The following SORBS2 variants were observed in gnomAD, a reference collection of about 807,000 sequenced individuals.
SORBS2 encodes the protein sorbin and SH3 domain-containing protein 2.
SORBS2 carries 46 observed loss-of-function variants against 97.7 expected under a neutral mutation model. That is an observed-to-expected ratio of 0.47 (90% CI 0.37 to 0.60). The LOEUF (loss-of-function observed/expected upper bound fraction) is 0.60. Ranked by LOEUF, SORBS2 falls within the 20% of genes least tolerant of loss-of-function variation. The pLI is 0.00. For synonymous variants in SORBS2, 476 were observed against 473.4 expected (o/e 1.01, Z -0.07); for missense variants, 1,316 against 1,282.3 (o/e 1.03, Z -0.40).
At chr4:185,739,384 C>A (rs2153582700) in intron 2 of SORBS2, among the ~76,000 whole-genome samples, 1 of 152,248 alleles carries the variant, frequency 6.6e-6, no homozygotes, top group East Asian at 1.9e-4. Flanking sequence ...CCACCAAAGG[C>A]CTGGTGGAAT....
intron 1 of SORBS2, among the ~76,000 whole-genome samples, chr4:185,907,817 C>G (rs1315557651): frequency 6.6e-6 from 1 of 152,108 alleles, no homozygotes; most frequent in East Asian, 1.9e-4. Context: ...TAAGTCATTT[C>G]CAATCTTCTC....
chr4:185,718,429 A>G (rs1277890471), intron 2 of SORBS2, among the ~76,000 whole-genome samples: 1 of 152,222 alleles, frequency 6.6e-6, no homozygotes, highest in Non-Finnish European at 1.5e-5. Flanking sequence ...AAGGTCACCC[A>G]TCTTGAGAAA....
chr4:185,898,526 C>T (rs1401120691), intron 1 of SORBS2, among the ~76,000 whole-genome samples: 1 of 152,138 alleles, frequency 6.6e-6, no homozygotes, highest in African/African-American at 2.4e-5. Flanking sequence ...AATCATTGCT[C>T]GTGTTTTTGG....
intron 4 of SORBS2, among the ~76,000 whole-genome samples, chr4:185,672,048 G>A (rs1214274595): frequency 2.0e-5 from 3 of 152,126 alleles, no homozygotes; most frequent in South Asian, 2.1e-4. Flanking sequence ...ATAGCATTAC[G>A]AGCCCACAGA....
Position 185,893,355 on chromosome 4 carries a change from G to A in SORBS2, c.-338+62841C>T, listed in dbSNP as rs534352380. On this transcript the variant is annotated intron_variant, in intron 1 of 20. Coordinates refer to the SORBS2 transcript ENST00000284776. ...CAATACACCAGACAGCACCACTGCC[G>A]CGCTGGAGCAAAGGCTCTGGGAGCT... Among the ~76,000 whole-genome samples the A allele has an allele frequency of 3.0e-4, 45 of 152,322 alleles. No individual in the cohort carries two copies. The South Asian group carries it at 4.6e-3, about 15-fold the overall frequency.
At chr4:185,657,290 T>G (rs753006206), upstream of SORBS2, 104 of 710,944 alleles carry the variant, frequency 1.5e-4, no homozygotes, top group Non-Finnish European at 2.0e-4. Context: ...AGCATAACAT[T>G]CATGAGAAGT....
At chr4:185,717,127 G>A (rs1457270661) in intron 2 of SORBS2, among the ~76,000 whole-genome samples, 2 of 152,312 alleles carry the variant, frequency 1.3e-5, no homozygotes, top group East Asian at 1.9e-4. Flanking sequence ...AGAAGAGCTC[G>A]TGGCTGGCGT....
intron 1 of SORBS2, among the ~76,000 whole-genome samples, chr4:185,888,349 AGAG>A (rs752125954): frequency 1.2e-3 from 176 of 152,270 alleles, no homozygotes; most frequent in Non-Finnish European, 2.1e-3. Flanking sequence ...AGAGACACAC[AGAG>A]GAGAAGGCAA....
chr4:185,822,588 T>C (rs535264755), intron 1 of SORBS2, among the ~76,000 whole-genome samples: 1 of 152,236 alleles, frequency 6.6e-6, no homozygotes, highest in Non-Finnish European at 1.5e-5. Flanking sequence ...GCAAGAAGTA[T>C]ATGAATGATA....
intron 2 of SORBS2, among the ~76,000 whole-genome samples, 196 bp from the exon 6 acceptor site, chr4:185,679,018 T>G (rs950921286): frequency 6.6e-6 from 1 of 152,128 alleles, no homozygotes; most frequent in Non-Finnish European, 1.5e-5. Flanking sequence ...TCATTAAATA[T>G]CTATAATATA....
intron 2 of SORBS2, among the ~76,000 whole-genome samples, chr4:185,767,226 C>T (rs1019725667): frequency 5.9e-5 from 9 of 151,804 alleles, no homozygotes; most frequent in Non-Finnish European, 1.5e-5. Context: ...TGGCCGGGCG[C>T]GGTGGCTCAG....
rs534086705 is a variant in SORBS2 at position 185,795,375 on chromosome 4, C to T, written c.-337-20009G>A. Among the ~76,000 whole-genome samples, 24 of 152,232 alleles carry T rather than the reference C, an allele frequency of 1.6e-4. No homozygotes were observed. The East Asian group carries it at 4.4e-3, about 28-fold the overall frequency. On this transcript the variant is annotated intron_variant, in intron 1 of 20. Coordinates refer to the SORBS2 transcript ENST00000284776. Reference sequence around the variant, plus strand: ...TGGGACAAGCTCACCTCTGCTGCACCCTCCCTGCCTCAGCAATCTTTGATC... The same window carrying T: ...TGGGACAAGCTCACCTCTGCTGCACTCTCCCTGCCTCAGCAATCTTTGATC...
At chr4:185,651,754 A>C (rs766370036) in intron 2 of SORBS2, 30 bp downstream of exon 11, 1 of 1,284,328 alleles carries the variant, frequency 7.8e-7, no homozygotes, top group Non-Finnish European at 1.1e-6. Flanking sequence ...AGCATAAAAT[A>C]GTCATTGCGA....
chr4:185,816,860 A>T (rs1042961677), intron 1 of SORBS2, among the ~76,000 whole-genome samples: 2 of 152,228 alleles, frequency 1.3e-5, no homozygotes, highest in Admixed American at 6.5e-5. Context: ...GCAATAAAAA[A>T]CCGTTCAACA....
intron 1 of SORBS2, among the ~76,000 whole-genome samples, chr4:185,917,054 ATC>A (rs2099258550): frequency 6.6e-6 from 1 of 152,138 alleles, no homozygotes; most frequent in Admixed American, 6.5e-5. Flanking sequence ...GGTTTAATTA[ATC>A]ACGCCTATCT....
intron 2 of SORBS2, among the ~76,000 whole-genome samples, chr4:185,688,541 A>T (rs536256223): frequency 1.8e-4 from 28 of 151,938 alleles, no homozygotes; most frequent in African/African-American, 5.1e-4. Context: ...TAGACAAAAA[A>T]GTCAGAAGAG....
chr4:185,932,024 A>T (rs931986680), intron 1 of SORBS2, among the ~76,000 whole-genome samples: 5 of 151,378 alleles, frequency 3.3e-5, no homozygotes, highest in African/African-American at 1.2e-4. Flanking sequence ...ATATAGATAG[A>T]TATAGATATA....
At chr4:185,656,440 C>CTTTTTTTT (rs35080375) in intron 1 of SORBS2, among the ~76,000 whole-genome samples, 2 of 141,044 alleles carry the variant, frequency 1.4e-5, no homozygotes, top group Non-Finnish European at 3.1e-5. Context: ...CTTACCACGG[C>CTTTTTTTT]TTTTTTTTTT....
intron 1 of SORBS2, among the ~76,000 whole-genome samples, chr4:185,786,318 G>C (rs984678256): frequency 2.0e-5 from 3 of 152,226 alleles, no homozygotes; most frequent in Non-Finnish European, 4.4e-5. Context: ...GAAGGCTAAA[G>C]AGGAAAGGTA....
Sources: gnomAD v4.1 joint callset for allele counts (sites outside exome capture counted in the v4.1 genomes callset) on GRCh38, gnomAD v4.1.1 for gene constraint, MANE v1.5 for transcripts, NCBI Gene and HGNC (gene_info 2026-07-23, HGNC 2026-07-21) for gene names.